The following TEX11 variants were observed in gnomAD, a reference collection of about 807,000 sequenced individuals.
TEX11 encodes the protein testis-expressed protein 11.
TEX11 carries 7 observed loss-of-function variants against 84.4 expected under a neutral mutation model. The observed-to-expected ratio is 0.08, with a 90% CI of 0.05 to 0.16. The LOEUF (loss-of-function observed/expected upper bound fraction) is 0.16. Ranked by LOEUF, TEX11 falls within the 10% of genes least tolerant of loss-of-function variation. The pLI is 1.00. For synonymous variants in TEX11, 264 were observed against 222.8 expected (o/e 1.18, Z -1.64); for missense variants, 551 against 660.5 (o/e 0.83, Z 1.82).
intron 9 of TEX11, among the ~76,000 whole-genome samples, chrX:70,798,029 G>A (rs1229583983): frequency 4.0e-5 from 4 of 100,929 alleles, no homozygotes; most frequent in Non-Finnish European, 6.0e-5. Context: ...CAAGATGAGG[G>A]GGGGGGAAAG....
chrX:70,840,481 G>A (rs1231948857), intron 7 of TEX11, among the ~76,000 whole-genome samples: 85 of 111,615 alleles, frequency 7.6e-4, no homozygotes, highest in African/African-American at 2.3e-3. Flanking sequence ...TGAAGGAAGC[G>A]CTAAACATGG....
chrX:70,763,213 C>T (rs2090920037), intron 9 of TEX11, among the ~76,000 whole-genome samples: 1 of 111,713 alleles, frequency 9.0e-6, no homozygotes, highest in Non-Finnish European at 1.9e-5. Context: ...GACCATCAAC[C>T]AATGAGTGGA....
intron 24 of TEX11, among the ~76,000 whole-genome samples, chrX:70,603,541 C>A: frequency 9.3e-6 from 1 of 107,383 alleles, no homozygotes; most frequent in East Asian, 2.9e-4. Flanking sequence ...ACACCTTATA[C>A]AAAAATCAAT....
intron 5 of TEX11, among the ~76,000 whole-genome samples, chrX:70,857,862 A>T: frequency 8.9e-6 from 1 of 112,025 alleles, no homozygotes; most frequent in Non-Finnish European, 1.9e-5. Flanking sequence ...ATATAACTGA[A>T]TACTATGCAG....
intron 13 of TEX11, among the ~76,000 whole-genome samples, chrX:70,703,363 G>C (rs2090342093): frequency 9.0e-6 from 1 of 111,611 alleles, no homozygotes; most frequent in Admixed American, 9.5e-5. Flanking sequence ...GAAAACTGCA[G>C]ATGAGGAAAG....
intron 25 of TEX11, among the ~76,000 whole-genome samples, chrX:70,565,502 G>A (rs1166510412): frequency 1.8e-5 from 2 of 110,940 alleles, no homozygotes; most frequent in African/African-American, 6.6e-5. Flanking sequence ...GAATGGTAAT[G>A]CCTAGGTTTT....
rs561381649 is a variant in TEX11, at chrX:70,667,933, A to T, written c.1380+2444T>A. Among the ~76,000 whole-genome samples the T allele has an allele frequency of 1.8e-4, 20 of 110,959 alleles. No homozygotes were observed. The South Asian group carries it at 1.9e-3, about 11-fold the overall frequency. On this transcript the variant is annotated intron_variant, in intron 16 of 29. Transcript: ENST00000374333. Reference sequence around the variant, plus strand: ...CAAGAGTGAGACTCTGTCTCAAAAAAAAAAAATAAAAAAGAAACAGTAGAG... The same window carrying T: ...CAAGAGTGAGACTCTGTCTCAAAAATAAAAAATAAAAAAGAAACAGTAGAG...
intron 9 of TEX11, among the ~76,000 whole-genome samples, chrX:70,756,902 A>AAACAGTG (rs1280522451): frequency 8.9e-6 from 1 of 112,185 alleles, no homozygotes; most frequent in African/African-American, 3.2e-5. Context: ...TAACCAGAAT[A>AAACAGTG]AACAGTGTAG....
chrX:70,763,109 A>G (rs1242670686), intron 9 of TEX11, among the ~76,000 whole-genome samples: 1 of 112,512 alleles, frequency 8.9e-6, no homozygotes, highest in Non-Finnish European at 1.9e-5. Context: ...TACTGGGTAT[A>G]TACCCAAAGG....
chrX:70,743,224 T>C (rs2090745381), intron 10 of TEX11, among the ~76,000 whole-genome samples: 1 of 112,328 alleles, frequency 8.9e-6, no homozygotes, highest in Non-Finnish European at 1.9e-5. Flanking sequence ...CAGATTTCTT[T>C]CTTTATTAAG....
chrX:70,574,324 A>G (rs920526213), intron 25 of TEX11, among the ~76,000 whole-genome samples: 2 of 111,723 alleles, frequency 1.8e-5, no homozygotes, highest in African/African-American at 6.5e-5. Context: ...GAAAGGTTTG[A>G]GTATCTTCTC....
chrX:70,818,451 G>C (rs572236695), intron 8 of TEX11, among the ~76,000 whole-genome samples: 2 of 111,486 alleles, frequency 1.8e-5, no homozygotes, highest in South Asian at 7.6e-4. Flanking sequence ...TCAATACTTA[G>C]AGGTATTCCT....
At position 70,847,967 on chromosome X, in the gene TEX11, C is replaced by T. The variant is rs775050423; in HGVS notation, c.525+5067G>A. Among the ~76,000 whole-genome samples the T allele has an allele frequency of 1.1e-4, 12 of 112,149 alleles. No homozygotes were observed. The South Asian group carries it at 4.5e-3, about 42-fold the overall frequency. Reference sequence around the variant, plus strand: ...AAGATTCAATGGTTCAAGTCCTTCTCACTGAGCATAAATGATTGCTTCCTT... The same window carrying T: ...AAGATTCAATGGTTCAAGTCCTTCTTACTGAGCATAAATGATTGCTTCCTT... On this transcript the variant is annotated intron_variant, in intron 7 of 29. Coordinates refer to ENST00000374333, the MANE Select transcript of TEX11 (RefSeq NM_031276.3).
chrX:70,871,132 T>C (rs2091627667), intron 4 of TEX11, among the ~76,000 whole-genome samples: 1 of 112,209 alleles, frequency 8.9e-6, no homozygotes, highest in African/African-American at 3.2e-5. Flanking sequence ...AGGCTGGTCT[T>C]GAACTCCTGA....
chrX:70,569,906 G>T (rs752334089), intron 25 of TEX11, among the ~76,000 whole-genome samples: 6 of 111,886 alleles, frequency 5.4e-5, no homozygotes, highest in Non-Finnish European at 7.5e-5. Flanking sequence ...ATCTCCAGCT[G>T]TGTGCTGGGA....
At chrX:70,546,134 T>A (rs2088120628) in intron 28 of TEX11, among the ~76,000 whole-genome samples, 1 of 112,200 alleles carries the variant, frequency 8.9e-6, no homozygotes, top group African/African-American at 3.2e-5. Context: ...TCAGGTATTA[T>A]TCCCACTTTA....
chrX:70,860,077 T>C (rs991745796), intron 5 of TEX11, among the ~76,000 whole-genome samples: 13 of 111,867 alleles, frequency 1.2e-4, no homozygotes, highest in Non-Finnish European at 1.9e-5. Context: ...CTTTCAGCCA[T>C]GATGGAATAG....
At chrX:70,856,785 C>A (rs1205093000) in intron 5 of TEX11, among the ~76,000 whole-genome samples, 1 of 110,332 alleles carries the variant, frequency 9.1e-6, no homozygotes, top group Non-Finnish European at 1.9e-5. Context: ...GCACCAGAAC[C>A]CAGAATTTAG....
At chrX:70,629,574 G>A (rs985104592) in intron 18 of TEX11, 37 bp downstream of exon 18, 1 of 1,191,781 alleles carries the variant, frequency 8.4e-7, no homozygotes, top group East Asian at 3.0e-5. Flanking sequence ...AAAAGGAAAA[G>A]GGATAAAAAT....
Sources: allele counts gnomAD v4.1 joint callset (sites outside exome capture counted in the v4.1 genomes callset), GRCh38; gene constraint gnomAD v4.1.1; transcripts MANE v1.5; gene names NCBI Gene and HGNC (gene_info 2026-07-23, HGNC 2026-07-21).